Variants in LARGE1 observed in about 807,000 individuals in gnomAD.
LARGE1 encodes the protein LARGE xylosyl- and glucuronyltransferase 1, also known as xylosyl- and glucuronyltransferase LARGE1.
A neutral mutation model predicts 87.6 loss-of-function variants in LARGE1; 43 were observed. The observed-to-expected ratio is 0.49, with a 90% CI of 0.38 to 0.63. LARGE1 has a LOEUF of 0.63. Among genes scored for constraint, LARGE1 ranks in the 30% least tolerant of loss-of-function variants. The probability of loss-of-function intolerance (pLI) is 0.00; values close to 1 mark genes in which losing one functional copy is unlikely to be tolerated. For missense variants in LARGE1, 802 were observed against 1,000.2 expected, an observed-to-expected ratio of 0.80 and a Z score of 2.67; for synonymous variants, 434 against 394.6, an observed-to-expected ratio of 1.10 and a Z score of -1.18.
At chr22:33,581,333 T>C (rs1483973578) in intron 5 of LARGE1, among the ~76,000 whole-genome samples, 1 of 152,196 alleles carries the variant, frequency 6.6e-6, no homozygotes, top group African/African-American at 2.4e-5. Flanking sequence ...TCACGTACTG[T>C]TCTCAGCAAG....
intron 6 of LARGE1, among the ~76,000 whole-genome samples, chr22:33,563,759 C>G (rs1239774754): frequency 6.6e-6 from 1 of 152,190 alleles, no homozygotes; most frequent in Admixed American, 6.5e-5. Flanking sequence ...TTGTTAGTGT[C>G]ATTATTGACA....
intron 4 of LARGE1, among the ~76,000 whole-genome samples, chr22:33,622,117 G>A (rs544292811): frequency 5.3e-5 from 8 of 152,278 alleles, no homozygotes; most frequent in Non-Finnish European, 1.2e-4. Flanking sequence ...AAAGGGTGCT[G>A]ATATGGTTAG....
chr22:33,280,650 T>C (rs1280891779), intron 13 of LARGE1, among the ~76,000 whole-genome samples: 1 of 152,174 alleles, frequency 6.6e-6, no homozygotes, highest in African/African-American at 2.4e-5. Context: ...CAAGTTACAA[T>C]GAACCTCTCG....
chr22:33,788,279 A>G (rs1370831437), intron 1 of LARGE1, among the ~76,000 whole-genome samples: 2 of 152,204 alleles, frequency 1.3e-5, no homozygotes, highest in Non-Finnish European at 2.9e-5. Flanking sequence ...GCTGCCATGT[A>G]AGACGTGCCT....
intron 1 of LARGE1, among the ~76,000 whole-genome samples, chr22:33,825,729 G>T (rs1232510063): frequency 1.3e-5 from 2 of 152,084 alleles, no homozygotes; most frequent in Non-Finnish European, 1.5e-5. Context: ...ATTTGGGTGG[G>T]GCCACAGCAA....
At chr22:33,667,389 GCTC>G (rs1271030937) in intron 2 of LARGE1, among the ~76,000 whole-genome samples, 1 of 152,196 alleles carries the variant, frequency 6.6e-6, no homozygotes, top group Non-Finnish European at 1.5e-5. Flanking sequence ...AAGTCACTGA[GCTC>G]CTCCTCCTAC....
At chr22:33,282,230 A>G (rs796927205) in intron 13 of LARGE1, among the ~76,000 whole-genome samples, 3 of 152,310 alleles carry the variant, frequency 2.0e-5, no homozygotes, top group African/African-American at 7.2e-5. Context: ...CTGTAATCCC[A>G]GCTACTCAGG....
intron 6 of LARGE1, among the ~76,000 whole-genome samples, chr22:33,466,776 C>A (rs1435691991): frequency 6.6e-6 from 1 of 151,996 alleles, no homozygotes; most frequent in African/African-American, 2.4e-5. Context: ...TGGTGGCTCA[C>A]GCCTGTAACC....
intron 7 of LARGE1, among the ~76,000 whole-genome samples, chr22:33,407,481 A>C (rs960365204): frequency 1.2e-4 from 18 of 152,296 alleles, no homozygotes; most frequent in African/African-American, 3.8e-4. Flanking sequence ...AGGTAATTCT[A>C]TCTTTCTTTT....
intron 9 of LARGE1, among the ~76,000 whole-genome samples, chr22:33,358,366 T>C (rs996112670): frequency 6.6e-6 from 1 of 152,148 alleles, no homozygotes; most frequent in Non-Finnish European, 1.5e-5. Context: ...TCATTCTTAT[T>C]ACCCTGTGTT....
chr22:33,382,176 C>T, intron 8 of LARGE1, 132 bp from the exon 9 acceptor site: 1 of 1,100,712 alleles, frequency 9.1e-7, no homozygotes, highest in Non-Finnish European at 1.3e-6. Context: ...GGCTGGCTCG[C>T]ACTGTGAGGC....
the LARGE1 span, among the ~76,000 whole-genome samples, chr22:33,108,258 T>C: frequency 6.6e-6 from 1 of 152,200 alleles, no homozygotes; most frequent in Non-Finnish European, 1.5e-5. Flanking sequence ...TTATATTATA[T>C]GCCAGCTTTG....
chr22:33,912,882 C>T (rs946050468), intron 1 of LARGE1, among the ~76,000 whole-genome samples: 8 of 150,282 alleles, frequency 5.3e-5, no homozygotes, highest in Non-Finnish European at 7.4e-5. Context: ...CAGGCTGGAG[C>T]GCAATGGCTG....
intron 2 of LARGE1, among the ~76,000 whole-genome samples, chr22:33,697,355 T>C (rs958446835): frequency 1.3e-5 from 2 of 151,960 alleles, no homozygotes; most frequent in African/African-American, 4.8e-5. Context: ...TCAATATGGT[T>C]CTCACCTTTG....
intron 11 of LARGE1, among the ~76,000 whole-genome samples, chr22:33,253,925 G>C (rs1927131522): frequency 8.1e-6 from 1 of 124,216 alleles, no homozygotes; most frequent in African/African-American, 2.9e-5. Context: ...TTTTTTTTTA[G>C]TAAAAGAACG....
intron 1 of LARGE1, among the ~76,000 whole-genome samples, chr22:33,871,547 G>A (rs1477960939): frequency 1.3e-5 from 2 of 152,136 alleles, no homozygotes; most frequent in Non-Finnish European, 2.9e-5. Context: ...AATCTGTCCA[G>A]GTAAATAACA....
chr22:33,360,520 T>A (rs1388490210), intron 9 of LARGE1, among the ~76,000 whole-genome samples: 1 of 149,096 alleles, frequency 6.7e-6, no homozygotes, highest in Non-Finnish European at 1.5e-5. Context: ...GAGGAGATGC[T>A]ATACACTTTT....
At chr22:33,527,104 A>C (rs191487002) in intron 6 of LARGE1, among the ~76,000 whole-genome samples, 17 of 152,216 alleles carry the variant, frequency 1.1e-4, no homozygotes, top group Admixed American at 2.0e-4. Context: ...TAAAAATACA[A>C]AATTAGCCAG....
chr22:33,679,845 AAAACAAAC>A (rs146032900), intron 2 of LARGE1, among the ~76,000 whole-genome samples: 1 of 152,098 alleles, frequency 6.6e-6, no homozygotes, highest in African/African-American at 2.4e-5. Context: ...TCTGTCTCAA[AAAACAAAC>A]AAACAAACAA....
Sources: allele counts gnomAD v4.1 joint callset (sites outside exome capture counted in the v4.1 genomes callset), GRCh38; gene constraint gnomAD v4.1.1; transcripts MANE v1.5; gene names NCBI Gene and HGNC (gene_info 2026-07-23, HGNC 2026-07-21).